The following LARGE1 variants were observed in gnomAD, a reference collection of about 807,000 sequenced individuals.
LARGE1 encodes the protein LARGE xylosyl- and glucuronyltransferase 1, also known as xylosyl- and glucuronyltransferase LARGE1.
LARGE1 carries 43 observed loss-of-function variants against 87.6 expected under a neutral mutation model. The observed-to-expected ratio is 0.49, with a 90% CI of 0.38 to 0.63. LARGE1 has a LOEUF of 0.63. Among genes scored for constraint, LARGE1 ranks in the 30% least tolerant of loss-of-function variants. LARGE1 has a pLI of 0.00. For missense variants in LARGE1, 802 were observed against 1,000.2 expected (o/e 0.80, Z 2.67); for synonymous variants, 434 against 394.6 (o/e 1.10, Z -1.18).
chr22:33,265,965 G>T (rs1927910596), intron 11 of LARGE1, among the ~76,000 whole-genome samples: 1 of 152,162 alleles, frequency 6.6e-6, no homozygotes, highest in Non-Finnish European at 1.5e-5. Flanking sequence ...AGTGTGAGAA[G>T]CACTGGTACA....
intron 1 of LARGE1, among the ~76,000 whole-genome samples, chr22:33,919,470 C>T (rs1039182669): frequency 1.3e-5 from 2 of 152,232 alleles, no homozygotes; most frequent in East Asian, 1.9e-4. Context: ...CTGGGCTTCC[C>T]CCCTACAGAT....
At chr22:33,183,602 A>ACACACACACACACGCACG (rs1923290878) in intron 11 of LARGE1, among the ~76,000 whole-genome samples, 11 of 65,800 alleles carry the variant, frequency 1.7e-4, no homozygotes, top group African/African-American at 7.2e-4. Flanking sequence ...GATGGATAAA[A>ACACACACACACACGCACG]CACACACACA....
At chr22:33,405,038 G>T (rs1456260667) in intron 7 of LARGE1, among the ~76,000 whole-genome samples, 1 of 152,204 alleles carries the variant, frequency 6.6e-6, no homozygotes, top group African/African-American at 2.4e-5. Context: ...CTGTCCTCTT[G>T]TTGGCTTTTA....
chr22:33,466,088 C>G (rs146764575), intron 6 of LARGE1, among the ~76,000 whole-genome samples: 1 of 152,288 alleles, frequency 6.6e-6, no homozygotes, highest in East Asian at 1.9e-4. Context: ...CATAACACCA[C>G]CTGTCACTCC....
In LARGE1 at chr22:33,608,526, T is replaced by G. The variant is rs142126086; in HGVS notation, c.492-3968A>C. On this transcript the variant is annotated intron_variant, in intron 4 of 14. Transcript: ENST00000397394. ...GCATTGTGATACGTATTTAAACTGC[T>G]GGCTCCTTGTCCCTACTGTGAGACC... Among the ~76,000 whole-genome samples the G allele has an allele frequency of 6.4e-3, 970 of 152,326 alleles. 5 individuals carry two copies. Among genetic ancestry groups the G allele is most frequent in the Middle Eastern group, 0.017 (5 of 294 alleles).
At chr22:33,897,691 T>C (rs1156348685) in intron 1 of LARGE1, among the ~76,000 whole-genome samples, 1 of 152,158 alleles carries the variant, frequency 6.6e-6, no homozygotes, top group Non-Finnish European at 1.5e-5. Flanking sequence ...ATCAAATCTC[T>C]TCAGTGACAA....
intron 7 of LARGE1, among the ~76,000 whole-genome samples, chr22:33,386,226 G>A (rs1394272742): frequency 6.7e-6 from 1 of 148,626 alleles, no homozygotes; most frequent in African/African-American, 2.4e-5. Context: ...TATTTTATAG[G>A]TGAGGAAACT....
chr22:33,666,160 A>G (rs1236494806), intron 2 of LARGE1, among the ~76,000 whole-genome samples: 1 of 152,214 alleles, frequency 6.6e-6, no homozygotes, highest in Non-Finnish European at 1.5e-5. Flanking sequence ...AACAAGATTC[A>G]GGAAAGTAAG....
chr22:33,396,463 CAGAGAGAGAGAGAGAGAG>C (rs3071529), intron 7 of LARGE1, among the ~76,000 whole-genome samples: 3 of 104,640 alleles, frequency 2.9e-5, no homozygotes, highest in African/African-American at 1.2e-4. Flanking sequence ...GAGAGAGTGA[CAGAGAGAGAGAGAGAGAG>C]AGAGAGAGAG....
At chr22:33,722,781 G>A (rs142382400) in intron 2 of LARGE1, among the ~76,000 whole-genome samples, 13 of 152,292 alleles carry the variant, frequency 8.5e-5, no homozygotes, top group Non-Finnish European at 1.9e-4. Context: ...TAGGAAGAAG[G>A]GGGTGGACCC....
chr22:33,079,247 AGACAGAGTCTCACTC>A, the LARGE1 span, among the ~76,000 whole-genome samples: 1 of 46,336 alleles, frequency 2.2e-5, no homozygotes, highest in Admixed American at 2.9e-4. Context: ...TTTTTTTTTT[AGACAGAGTCTCACTC>A]TGTCACCCAG....
chr22:33,539,262 A>C (rs909974210), intron 6 of LARGE1, among the ~76,000 whole-genome samples: 3 of 152,134 alleles, frequency 2.0e-5, no homozygotes, highest in Non-Finnish European at 4.4e-5. Flanking sequence ...AAAAGAAAAA[A>C]AAAAAGGCAA....
In LARGE1 at chr22:33,418,115, T is replaced by C. The variant is rs570301061; in HGVS notation, c.892+14046A>G. 1.9e-3 allele frequency among the ~76,000 whole-genome samples: 288 copies of C among 152,182 alleles called. 3 individuals carry two copies. Among genetic ancestry groups the C allele is most frequent in the Non-Finnish European group, 3.3e-3 (227 of 68,000 alleles). On this transcript the variant is annotated intron_variant, in intron 7 of 14. Transcript: ENST00000397394. ...GGCATGTGCCACCATGCCTGGCTAA[T>C]TGTTTGTATTTTTAGTAGAGACGAG...
chr22:33,651,099 T>C (rs193173319), intron 2 of LARGE1, among the ~76,000 whole-genome samples: 2 of 151,278 alleles, frequency 1.3e-5, no homozygotes, highest in African/African-American at 4.9e-5. Context: ...GAAAAAATAA[T>C]AGGCCAGGCG....
At position 33,898,947 on chromosome 22, in the gene LARGE1, C is replaced by T. The variant is rs113395403; in HGVS notation, c.-83+21048G>A. On this transcript the variant is annotated intron_variant, in intron 1 of 14. Transcript: ENST00000397394. ...CAAGTCCTCACGCAACTGTATCCAT[C>T]GGGAAGTGACAGGATGTGCTATTTA... Among the ~76,000 whole-genome samples the T allele has an allele frequency of 1.1e-4, 17 of 152,312 alleles. 1 individual carries two copies. The highest frequency in any genetic ancestry group is 8.3e-4 in the South Asian group (4 of 4,826).
At chr22:33,224,633 G>A (rs931148029) in intron 11 of LARGE1, among the ~76,000 whole-genome samples, 14 of 152,012 alleles carry the variant, frequency 9.2e-5, no homozygotes, top group Non-Finnish European at 2.1e-4. Context: ...GTGGGCCTAG[G>A]ACTCGGGTCC....
chr22:33,429,423 C>A (rs140814317), intron 7 of LARGE1, among the ~76,000 whole-genome samples: 1 of 152,124 alleles, frequency 6.6e-6, no homozygotes, highest in African/African-American at 2.4e-5. Flanking sequence ...ACAAATCAAG[C>A]GGGAACTGGA....
chr22:33,780,777 C>T (rs1336106786), intron 1 of LARGE1, among the ~76,000 whole-genome samples: 1 of 152,208 alleles, frequency 6.6e-6, no homozygotes, highest in East Asian at 1.9e-4. Flanking sequence ...CTTGCTGCAG[C>T]TAAGAACTTT....
At chr22:33,513,554 G>T (rs181282884) in intron 6 of LARGE1, among the ~76,000 whole-genome samples, 1 of 152,124 alleles carries the variant, frequency 6.6e-6, no homozygotes, top group South Asian at 2.1e-4. Context: ...ATGCTGATAA[G>T]CAGATCCAGG....
Sources: allele counts gnomAD v4.1 joint callset (sites outside exome capture counted in the v4.1 genomes callset), GRCh38; gene constraint gnomAD v4.1.1; transcripts MANE v1.5; gene names NCBI Gene and HGNC (gene_info 2026-07-23, HGNC 2026-07-21).